Variants in CCDC47 observed in about 807,000 individuals in gnomAD.
CCDC47 encodes the protein PAT complex subunit CCDC47.
Under a neutral mutation model 60.5 loss-of-function variants are expected in CCDC47, and 41 were observed. That is an observed-to-expected ratio of 0.68 (90% CI 0.53 to 0.88). The LOEUF is 0.88. Ranked by LOEUF, CCDC47 falls within the 40% of genes least tolerant of loss-of-function variation. The pLI is 0.00. For synonymous variants in CCDC47, 195 were observed against 190.7 expected, an observed-to-expected ratio of 1.02 and a Z score of -0.18; for missense variants, 513 against 580.9, an observed-to-expected ratio of 0.88 and a Z score of 1.20.
chr17:63,752,046 T>TGTGTCAG lies in CCDC47; in HGVS notation c.1258_1264dup (p.His422ProfsTer28), dbSNP rs2039170627. 1 of 1,613,770 alleles carries TGTGTCAG rather than the reference T, an allele frequency of 6.2e-7. No homozygotes were observed. The highest frequency in any genetic ancestry group is 1.3e-5 in the African/African-American group (1 of 74,892). On this transcript the variant is annotated frameshift_variant, in exon 12 of 13. Transcript: ENST00000225726. LOFTEE classifies it high-confidence loss of function. ...CTGTGCTGCTTCCTGTCTTTGCACA[T>TGTGTCAG]GTGTCAGTTTCAAGAAGTTCTCTTC...
intron 1 of CCDC47, among the ~76,000 whole-genome samples, chr17:63,768,223 C>A (rs1259535823): frequency 6.6e-6 from 1 of 152,186 alleles, no homozygotes; most frequent in Non-Finnish European, 1.5e-5. Flanking sequence ...CTAAGCATAT[C>A]GCCACAGTAG....
chr17:63,759,307 G>A (rs1304327315), intron 6 of CCDC47, among the ~76,000 whole-genome samples: 2 of 150,076 alleles, frequency 1.3e-5, no homozygotes, highest in Non-Finnish European at 3.0e-5. Flanking sequence ...TGACCAACAT[G>A]GTGAAACCCC....
chr17:63,748,530 A>C (rs1410565158), intron 12 of CCDC47, among the ~76,000 whole-genome samples: 1 of 151,942 alleles, frequency 6.6e-6, no homozygotes, highest in Non-Finnish European at 1.5e-5. Context: ...GTTCGATCCC[A>C]ATGTCCTCTT....
intron 6 of CCDC47, among the ~76,000 whole-genome samples, chr17:63,759,546 TA>T (rs2039238229): frequency 9.0e-5 from 2 of 22,238 alleles, no homozygotes; most frequent in Non-Finnish European, 1.5e-4. Context: ...TATATATATA[TA>T]TATATATATA....
intron 12 of CCDC47, among the ~76,000 whole-genome samples, chr17:63,750,899 C>CTT (rs973177583): frequency 6.8e-6 from 1 of 146,190 alleles, no homozygotes; most frequent in Non-Finnish European, 1.5e-5. Flanking sequence ...TCCTCTCCCT[C>CTT]TTTTTTTTTT....
chr17:63,758,586 T>C (rs1184566708), intron 6 of CCDC47, among the ~76,000 whole-genome samples: 1 of 152,126 alleles, frequency 6.6e-6, no homozygotes, highest in Non-Finnish European at 1.5e-5. Flanking sequence ...GATACCCAGT[T>C]GGTATACAGA....
At chr17:63,771,108 A>G (rs2039338057) in intron 1 of CCDC47, among the ~76,000 whole-genome samples, 1 of 152,056 alleles carries the variant, frequency 6.6e-6, no homozygotes, top group Non-Finnish European at 1.5e-5. Flanking sequence ...GAAAGGTACA[A>G]ATGATTTTGA....
At chr17:63,760,078 A>AAG (rs1555716233) in intron 6 of CCDC47, among the ~76,000 whole-genome samples, 1 of 151,442 alleles carries the variant, frequency 6.6e-6, no homozygotes, top group Non-Finnish European at 1.5e-5. Flanking sequence ...AAAAAAAAAA[A>AAG]AAAGAAACAA....
At chr17:63,761,482 C>T (rs1168405710) in intron 4 of CCDC47, 131 bp from the exon 5 acceptor site, 1 of 775,128 alleles carries the variant, frequency 1.3e-6, no homozygotes, top group Non-Finnish European at 2.1e-6. Flanking sequence ...GAGTTCGAGA[C>T]CAGCCTGGCC....
chr17:63,756,573 T>C lies in CCDC47; in HGVS notation c.736-3A>G. On this transcript the variant is annotated splice_polypyrimidine_tract_variant and splice_region_variant and intron_variant, in intron 6 of 12. Transcript: ENST00000225726. Reference sequence around the variant, plus strand: ...TCATTCATGGTTACTTTTATTTGCTTTTAAAAAAATGTAAAAAACAACAAA... The same window carrying C: ...TCATTCATGGTTACTTTTATTTGCTCTTAAAAAAATGTAAAAAACAACAAA... 6.2e-7 allele frequency: 1 copy of C among 1,607,548 alleles called. No individual in the cohort carries two copies. The highest frequency in any genetic ancestry group is 8.5e-7 in the Non-Finnish European group (1 of 1,174,902).
At chr17:63,759,530 TATATA>T (rs1892691679) in intron 6 of CCDC47, among the ~76,000 whole-genome samples, 2 of 2,304 alleles carry the variant, frequency 8.7e-4, no homozygotes, top group Non-Finnish European at 1.4e-3. Context: ...TATATATTTA[TATATA>T]TATATATATA....
intron 11 of CCDC47, 51 bp from the exon 12 acceptor site, chr17:63,752,158 C>T (rs1426169542): frequency 1.3e-6 from 2 of 1,586,900 alleles, no homozygotes; most frequent in South Asian, 1.1e-5. Flanking sequence ...TAGTCAACAG[C>T]AACAAAATCC....
chr17:63,763,873 G>A (rs1398947113), intron 4 of CCDC47, 143 bp downstream of exon 4: 5 of 414,816 alleles, frequency 1.2e-5, no homozygotes, highest in South Asian at 1.3e-4. Flanking sequence ...AAAAAAAAGA[G>A]CAGGGGGAAT....
chr17:63,766,927 ATTGAT>A, intron 1 of CCDC47: 1 of 984,586 alleles, frequency 1.0e-6, no homozygotes, highest in Non-Finnish European at 1.2e-6. Flanking sequence ...TCACCCTTAG[ATTGAT>A]TTGTGTTCAT....
rs550947677 is a variant in CCDC47 at position 63,764,712 on chromosome 17, T to C, written c.372+28A>G. On this transcript the variant is annotated intron_variant, in intron 3 of 12. Coordinates refer to ENST00000225726, the MANE Select transcript of CCDC47 (RefSeq NM_020198.3). ...GATGACAAGACATTTTGTTGTTTAG[T>C]TGGGAATTCAGAATCCTGGATACCT... 9 of 1,579,484 alleles carry C rather than the reference T, an allele frequency of 5.7e-6. No individual in the cohort carries two copies. In the South Asian group the frequency reaches 6.7e-5, roughly 12 times the overall value.
chr17:63,756,604 C>T (rs755259497), intron 6 of CCDC47, 34 bp from the exon 7 acceptor site: 1 of 1,471,168 alleles, frequency 6.8e-7, no homozygotes, highest in South Asian at 1.1e-5. Flanking sequence ...ACAAAATTCA[C>T]CTGTTAGGTT....
At chr17:63,749,755 A>C (rs2039148716) in intron 12 of CCDC47, among the ~76,000 whole-genome samples, 1 of 151,972 alleles carries the variant, frequency 6.6e-6, no homozygotes, top group Non-Finnish European at 1.5e-5. Flanking sequence ...CTCAAAAAAA[A>C]AAAAAAATTA....
intron 6 of CCDC47, among the ~76,000 whole-genome samples, chr17:63,759,708 G>GA (rs1184172791): frequency 1.3e-5 from 2 of 150,084 alleles, no homozygotes; most frequent in East Asian, 3.9e-4. Context: ...TTATAGAAAA[G>GA]AAAAAAACTG....
chr17:63,757,605 C>T (rs957895315), intron 6 of CCDC47, among the ~76,000 whole-genome samples: 1 of 152,120 alleles, frequency 6.6e-6, no homozygotes, highest in African/African-American at 2.4e-5. Flanking sequence ...AGCTGCTACA[C>T]TTGGGTAATT....
Sources: gnomAD v4.1 joint callset for allele counts (sites outside exome capture counted in the v4.1 genomes callset) on GRCh38, gnomAD v4.1.1 for gene constraint, MANE v1.5 for transcripts, NCBI Gene and HGNC (gene_info 2026-07-23, HGNC 2026-07-21) for gene names.